The following BAHCC1 variants were observed in gnomAD, a reference collection of about 807,000 sequenced individuals.
BAHCC1 encodes the protein BAH domain and coiled-coil containing 1, also known as BAH and coiled-coil domain-containing protein 1.
In BAHCC1, 43 loss-of-function variants were observed where a neutral mutation model predicts 88.2. The observed-to-expected ratio is 0.49, with a 90% CI of 0.38 to 0.63. The LOEUF (loss-of-function observed/expected upper bound fraction) is 0.63. Ranked by LOEUF, BAHCC1 falls within the 20% of genes least tolerant of loss-of-function variation. The pLI, the probability that BAHCC1 is intolerant of heterozygous loss-of-function variation, is 0.00. For synonymous variants in BAHCC1, 1,510 were observed against 745.5 expected (o/e 2.03, Z -16.71); for missense variants, 3,023 against 1,654.8 (o/e 1.83, Z -14.34).
intron 2 of BAHCC1, among the ~76,000 whole-genome samples, chr17:81,415,100 C>T (rs978141106): frequency 3.9e-5 from 6 of 152,196 alleles, no homozygotes; most frequent in Non-Finnish European, 7.3e-5. Context: ...CCAGATGCTG[C>T]GCGGGGGGCT....
At chr17:81,400,234 C>T (rs990960177) in intron 2 of BAHCC1, among the ~76,000 whole-genome samples, 2 of 152,214 alleles carry the variant, frequency 1.3e-5, no homozygotes, top group African/African-American at 2.4e-5. Flanking sequence ...TCCACGGAAA[C>T]CTCTTTTCTG....
intron 2 of BAHCC1, among the ~76,000 whole-genome samples, chr17:81,405,508 G>A (rs1041689963): frequency 6.6e-6 from 1 of 151,712 alleles, no homozygotes; most frequent in African/African-American, 2.4e-5. Context: ...TGCCTCCCCC[G>A]CCCCCAATCC....
Position 81,443,196 on chromosome 17 carries a change from C to T in BAHCC1, c.1847C>T (p.Ala616Val), listed in dbSNP as rs542530969. 53 of 779,216 alleles carry T rather than the reference C, an allele frequency of 6.8e-5. No homozygotes were observed. Among genetic ancestry groups the T allele is most frequent in the Admixed American group, 4.7e-4 (28 of 59,016 alleles). 48.3% of individuals were successfully genotyped at this position (779,216 alleles called of 1,614,324 possible). Residue 616 changes from alanine to valine, a missense_variant, in exon 5 of 28, where the codon GCG (alanine) becomes GTG (valine). Ala to Val is a moderately conservative substitution (Grantham distance 64, BLOSUM62 0). Transcript: ENST00000675386. ...CCCTTTGGCAGTGGCCTGCAGCAGG[C>T]GGCTCTTCTGCCCCAGGAACTGCCT... Reference protein sequence around the residue: ...LDPFGSGLQQAALLPQELPAP... With the variant: ...LDPFGSGLQQVALLPQELPAP...
chr17:81,439,618 A>G (rs1484783880), intron 4 of BAHCC1, among the ~76,000 whole-genome samples: 3 of 151,064 alleles, frequency 2.0e-5, no homozygotes, highest in African/African-American at 7.3e-5. Flanking sequence ...GCTGTGGGGG[A>G]TGAGAAGGGA....
In BAHCC1 at chr17:81,399,132, T is replaced by TGA; in HGVS notation, c.-206-401_-206-400insAG. The TGA allele has an allele frequency of 8.1e-6, 2 of 247,180 alleles. No individual in the cohort carries two copies. Among genetic ancestry groups the TGA allele is most frequent in the Non-Finnish European group, 1.7e-5 (2 of 120,756 alleles). The allele number at this position is 247,180 out of a possible 1,614,324, so 15.3% of individuals were successfully genotyped here. ...AGGGGAGAGGGTGTGCGTGTGAGTG[T>TGA]GTGTGTGTGTGTGTGTGTGTGCGAG... is the stretch of plus-strand genomic sequence containing the variant. On this transcript the variant is annotated intron_variant, in intron 1 of 27. Transcript: ENST00000675386. The surrounding 1 kb of genome is among the most constrained non-coding windows in gnomAD (Gnocchi z 4.5).
Position 81,406,922 on chromosome 17 carries a change from C to A in BAHCC1, c.178+7005C>A, listed in dbSNP as rs77138583. The A allele has an allele frequency of 3.7e-3, 1,708 of 456,304 alleles. 26 individuals carry two copies. Among genetic ancestry groups the A allele is most frequent in the African/African-American group, 0.031 (1,575 of 50,202 alleles). 28.3% of individuals were successfully genotyped at this position (456,304 alleles called of 1,614,324 possible). ...CTGTCCACACGATTAGGTTCCCGAT[C>A]GGATCAGCCAGGAAGTGGGTTTTTT... On this transcript the variant is annotated intron_variant, in intron 2 of 27. Transcript: ENST00000675386.
intron 2 of BAHCC1, among the ~76,000 whole-genome samples, chr17:81,424,736 G>T (rs1250114281): frequency 6.6e-6 from 1 of 151,512 alleles, no homozygotes. Context: ...TGTGGTGGTG[G>T]TGATGGTGAT....
intron 2 of BAHCC1, among the ~76,000 whole-genome samples, chr17:81,404,844 C>T (rs1371217082): frequency 6.6e-6 from 1 of 152,150 alleles, no homozygotes; most frequent in African/African-American, 2.4e-5. Flanking sequence ...CTCCTTCTCT[C>T]TGTGTGTCTG....
At chr17:81,446,812 C>G (rs1362023485) in intron 10 of BAHCC1, 1 of 680,646 alleles carries the variant, frequency 1.5e-6, no homozygotes, top group Non-Finnish European at 2.7e-6. Flanking sequence ...CTCAGCCTCC[C>G]AAAGTTTTGG....
In BAHCC1 at chr17:81,458,231, T is replaced by G; in HGVS notation, c.5108T>G (p.Val1703Gly). ...KIKRRSVKAK[V>G]GTTLERAPGQ... ...AAGAGGCGGTCGGTGAAGGCCAAGG[T>G]GGGCACCACCCTGGAGCGGGCCCCA... Residue 1703 changes from valine (V) to glycine (G), a missense_variant, in exon 18 of 28, where the codon GTG (valine) becomes GGG (glycine). Val to Gly is a moderately radical substitution (Grantham distance 109). Coordinates refer to ENST00000675386, the MANE Select transcript of BAHCC1 (RefSeq NM_001377448.1). 1.4e-6 allele frequency: 1 copy of G among 735,958 alleles called. No homozygotes were observed. The highest frequency in any genetic ancestry group is 1.5e-5 in the South Asian group (1 of 68,900). The allele number at this position is 735,958 out of a possible 1,614,324, so 45.6% of individuals were successfully genotyped here. A position where few individuals can be genotyped will look rare whatever the true frequency, so the allele number is the denominator to read the frequency against.
chr17:81,445,124 C>T lies in BAHCC1; in HGVS notation c.2781C>T (p.Leu927=), dbSNP rs781920785. The change falls in exon 9 of 28, where the codon CTC becomes CTT. Residue 927 remains leucine, a synonymous_variant. Transcript: ENST00000675386. ...GQLPVYSRPQ[L]LRQQELYALQ... ...TCCCTGTGTACTCGAGGCCGCAGCT[C>T]CTCCGGCAGCAGGAGCTCTATGCTT... is the stretch of plus-strand genomic sequence containing the variant. 6 of 773,822 alleles carry T rather than the reference C, an allele frequency of 7.8e-6. No homozygotes were observed. In the East Asian group the frequency reaches 1.2e-4, roughly 16 times the overall value. The allele number at this position is 773,822 out of a possible 1,614,324, so 47.9% of individuals were successfully genotyped here. A position where few individuals can be genotyped will look rare whatever the true frequency, so the allele number is the denominator to read the frequency against.
In BAHCC1 at chr17:81,411,518, T is replaced by TG. The variant is rs1567998085; in HGVS notation, c.178+11601_178+11602insG. The TG allele has an allele frequency of 0.088, 8,017 of 91,128 alleles. 99 individuals carry two copies. The highest frequency in any genetic ancestry group is 0.12 in the South Asian group (1,724 of 14,342). 5.6% of individuals were successfully genotyped at this position (91,128 alleles called of 1,614,324 possible). ...TGCCTGCCTGCCTGCCTGCCTGCCT[T>TG]CCTTCCTTCCTTCCTTCCTTCCTTC... On this transcript the variant is annotated intron_variant, in intron 2 of 27. Transcript: ENST00000675386. The surrounding 1 kb of genome is among the most constrained non-coding windows in gnomAD (Gnocchi z 6.2).
intron 3 of BAHCC1, among the ~76,000 whole-genome samples, chr17:81,432,160 C>A (rs1464158140): frequency 6.6e-6 from 1 of 152,196 alleles, no homozygotes; most frequent in Admixed American, 6.5e-5. Context: ...TGTCCTGCAG[C>A]GGCTGTCCAC....
intron 10 of BAHCC1, chr17:81,446,804 C>T: frequency 1.5e-6 from 1 of 677,542 alleles, no homozygotes; most frequent in South Asian, 1.5e-5. Context: ...CCATCCACCT[C>T]AGCCTCCCAA....
intron 10 of BAHCC1, among the ~76,000 whole-genome samples, chr17:81,445,885 C>T (rs897043722): frequency 2.0e-5 from 3 of 152,232 alleles, no homozygotes; most frequent in African/African-American, 7.2e-5. Context: ...GTGCCCCAGC[C>T]GCCCCCTTCC....
At chr17:81,417,453 C>T (rs1555648903) in intron 2 of BAHCC1, among the ~76,000 whole-genome samples, 1 of 152,028 alleles carries the variant, frequency 6.6e-6, no homozygotes, top group Non-Finnish European at 1.5e-5. Flanking sequence ...GGGAGCCTGC[C>T]TGTGCCCCAC....
At chr17:81,462,646 T>TCACACC (rs1220527710) in intron 26 of BAHCC1, 94 bp from the exon 27 acceptor site, 2 of 666,072 alleles carry the variant, frequency 3.0e-6, no homozygotes, top group Non-Finnish European at 5.4e-6. Context: ...AGACTCACAC[T>TCACACC]CACACCCACA....
chr17:81,399,934 G>A lies in BAHCC1; in HGVS notation c.178+17G>A, dbSNP rs2063792742. On this transcript the variant is annotated intron_variant, in intron 2 of 27. Coordinates refer to ENST00000675386, the MANE Select transcript of BAHCC1 (RefSeq NM_001377448.1). The surrounding 1 kb of genome is among the most constrained non-coding windows in gnomAD (Gnocchi z 4.5). ...CGCACACAGGTCAGTGCTCGGCCGGGGCGGGCGCGGGACGGGAGCGTTCGA... is the reference window on the plus strand; with the variant it reads ...CGCACACAGGTCAGTGCTCGGCCGGAGCGGGCGCGGGACGGGAGCGTTCGA... The A allele has an allele frequency of 2.2e-6, 3 of 1,346,188 alleles. No individual in the cohort carries two copies. The highest frequency in any genetic ancestry group is 3.1e-5 in the African/African-American group (2 of 64,926). The allele number at this position is 1,346,188 out of a possible 1,614,324, so 83.4% of individuals were successfully genotyped here.
chr17:81,419,455 CCTGCACAG>C (rs1256183529), intron 2 of BAHCC1, among the ~76,000 whole-genome samples: 1 of 152,280 alleles, frequency 6.6e-6, no homozygotes, highest in East Asian at 1.9e-4. Flanking sequence ...CCCCTCCCGT[CCTGCACAG>C]CTCCCTTGGG....
Sources: gnomAD v4.1 joint callset for allele counts (sites outside exome capture counted in the v4.1 genomes callset) on GRCh38, gnomAD v4.1.1 for gene constraint, Gnocchi (gnomAD v3.1) non-coding constraint, MANE v1.5 for transcripts, NCBI Gene and HGNC (gene_info 2026-07-23, HGNC 2026-07-21) for gene names.